SPATA16: variants seen among roughly 807,000 people sequenced by gnomAD.
SPATA16 encodes spermatogenesis-associated protein 16.
Under a neutral mutation model 63.3 loss-of-function variants are expected in SPATA16, and 36 were observed. That is an observed-to-expected ratio of 0.57 (90% CI 0.44 to 0.75). The LOEUF is 0.75. Ranked by LOEUF, SPATA16 falls within the 30% of genes least tolerant of loss-of-function variation. The probability of loss-of-function intolerance (pLI) is 0.00; values close to 1 mark genes in which losing one functional copy is unlikely to be tolerated. For missense variants in SPATA16, 646 were observed against 679.3 expected, an observed-to-expected ratio of 0.95 and a Z score of 0.54; for synonymous variants, 203 against 216.7, an observed-to-expected ratio of 0.94 and a Z score of 0.56.
intron 1 of SPATA16, among the ~76,000 whole-genome samples, chr3:173,119,326 TAAAC>T (rs1359264669): frequency 1.3e-5 from 2 of 152,046 alleles, no homozygotes; most frequent in African/African-American, 4.8e-5. Flanking sequence ...AGCAAACAAA[TAAAC>T]AAACAAAAAG....
At chr3:172,915,161 A>G (rs1332415082) in intron 9 of SPATA16, among the ~76,000 whole-genome samples, 7 of 152,160 alleles carry the variant, frequency 4.6e-5, no homozygotes, top group African/African-American at 1.7e-4. Context: ...GTTCTTTTGC[A>G]CACAACCATA....
chr3:172,916,804 C>T (rs866341510), intron 8 of SPATA16, among the ~76,000 whole-genome samples: 46 of 152,312 alleles, frequency 3.0e-4, no homozygotes, highest in African/African-American at 9.9e-4. Context: ...TCCCACAGAG[C>T]TGTGTCTGCC....
At chr3:173,044,326 G>C (rs866862813) in intron 3 of SPATA16, among the ~76,000 whole-genome samples, 75 of 151,928 alleles carry the variant, frequency 4.9e-4, no homozygotes, top group African/African-American at 1.6e-3. Flanking sequence ...AATTTCTATC[G>C]ATTTGTCTTC....
rs531594936 is a variant in SPATA16, at chr3:173,005,327, GAAA to G, written c.848+14156_848+14158del. ...GACAGAGCAAGACTCTGTCTCAAAA[GAAA>G]AAAAAAAAAAAAAAAAAGAAAATGT... On this transcript the variant is annotated intron_variant, in intron 4 of 10. Coordinates refer to ENST00000351008, the MANE Select transcript of SPATA16 (RefSeq NM_031955.6). Among the ~76,000 whole-genome samples, 11 of 78,842 alleles carry G rather than the reference GAAA, an allele frequency of 1.4e-4. No homozygotes were observed. In the East Asian group the frequency reaches 2.0e-3, roughly 15 times the overall value. The allele number at this position is 78,842 out of a possible 152,430, so 51.7% of individuals were successfully genotyped here.
chr3:173,100,892 A>G (rs1287214743), intron 2 of SPATA16, among the ~76,000 whole-genome samples: 1 of 152,196 alleles, frequency 6.6e-6, no homozygotes, highest in Non-Finnish European at 1.5e-5. Context: ...TTCAATAAAT[A>G]TAAATGAACA....
chr3:173,043,659 C>A (rs1420727725), intron 3 of SPATA16, among the ~76,000 whole-genome samples: 2 of 151,614 alleles, frequency 1.3e-5, no homozygotes, highest in Non-Finnish European at 2.9e-5. Flanking sequence ...TTTATATTTA[C>A]CATTTATCAC....
chr3:172,907,515 AC>A (rs2109554397), intron 10 of SPATA16, among the ~76,000 whole-genome samples: 1 of 151,466 alleles, frequency 6.6e-6, no homozygotes, highest in East Asian at 1.9e-4. Flanking sequence ...TCAGCTTGTT[AC>A]CCTACCCTGC....
intron 5 of SPATA16, among the ~76,000 whole-genome samples, chr3:172,971,686 A>G (rs1499625): frequency 0.6 from 91,226 of 151,972 alleles, 27,761 homozygotes; most frequent in African/African-American, 0.68. Context: ...CAATTTGAGC[A>G]TAAATAATAA....
At chr3:173,038,211 A>T (rs993784774) in intron 3 of SPATA16, among the ~76,000 whole-genome samples, 47 of 152,032 alleles carry the variant, frequency 3.1e-4, no homozygotes, top group African/African-American at 1.1e-3. Context: ...TCCTCCAATA[A>T]AAACTGGTTT....
chr3:173,135,573 A>G (rs1185018422), intron 1 of SPATA16, among the ~76,000 whole-genome samples: 3 of 152,254 alleles, frequency 2.0e-5, no homozygotes. Context: ...ATTGTGGTAT[A>G]TTTATACAAT....
At chr3:173,115,836 C>T (rs897040630) in intron 2 of SPATA16, among the ~76,000 whole-genome samples, 7 of 152,146 alleles carry the variant, frequency 4.6e-5, no homozygotes, top group African/African-American at 1.7e-4. Context: ...CAACATCTCA[C>T]ATTTGACTCC....
intron 2 of SPATA16, among the ~76,000 whole-genome samples, chr3:173,062,567 G>A (rs1408526677): frequency 1.3e-5 from 2 of 152,070 alleles, no homozygotes; most frequent in Non-Finnish European, 2.9e-5. Flanking sequence ...TTTCTGATGA[G>A]ATAAGACTGA....
chr3:172,975,701 A>T (rs1010637633), intron 5 of SPATA16, among the ~76,000 whole-genome samples: 9 of 152,212 alleles, frequency 5.9e-5, no homozygotes, highest in African/African-American at 1.9e-4. Flanking sequence ...CTACCTGGAG[A>T]TCAACATTTG....
chr3:173,005,191 G>T (rs1486226879), intron 4 of SPATA16, among the ~76,000 whole-genome samples: 1 of 152,112 alleles, frequency 6.6e-6, no homozygotes, highest in Non-Finnish European at 1.5e-5. Flanking sequence ...AGGCATGGTG[G>T]CACAAGCCTG....
intron 2 of SPATA16, among the ~76,000 whole-genome samples, chr3:173,088,845 G>A (rs1737151733): frequency 6.6e-6 from 1 of 152,190 alleles, no homozygotes; most frequent in South Asian, 2.1e-4. Flanking sequence ...AGGAGCATGT[G>A]CAAGGGCTGG....
chr3:173,020,168 G>T (rs1206629324), intron 3 of SPATA16, among the ~76,000 whole-genome samples: 1 of 152,006 alleles, frequency 6.6e-6, no homozygotes, highest in South Asian at 2.1e-4. Context: ...ATGGTGGCAG[G>T]CGCCTGTAAT....
intron 8 of SPATA16, among the ~76,000 whole-genome samples, chr3:172,919,956 G>C (rs1732581829): frequency 6.6e-6 from 1 of 152,162 alleles, no homozygotes; most frequent in South Asian, 2.1e-4. Flanking sequence ...GCCTCCCAAA[G>C]TGCTGGGATT....
intron 10 of SPATA16, among the ~76,000 whole-genome samples, chr3:172,891,170 G>T (rs1731888510): frequency 6.6e-6 from 1 of 151,918 alleles, no homozygotes; most frequent in Admixed American, 6.6e-5. Context: ...TTAAATCAAA[G>T]TTCTTTACAA....
chr3:172,918,875 A>G (rs1732558075), intron 8 of SPATA16, among the ~76,000 whole-genome samples: 2 of 152,214 alleles, frequency 1.3e-5, no homozygotes, highest in South Asian at 4.1e-4. Flanking sequence ...AAGATTTAAT[A>G]GCAGTTACAA....
Sources: gnomAD v4.1 joint callset for allele counts (sites outside exome capture counted in the v4.1 genomes callset) on GRCh38, gnomAD v4.1.1 for gene constraint, MANE v1.5 for transcripts, NCBI Gene and HGNC (gene_info 2026-07-23, HGNC 2026-07-21) for gene names.